PPP6C: variants seen among roughly 807,000 people sequenced by gnomAD.
PPP6C encodes serine/threonine-protein phosphatase 6 catalytic subunit.
A neutral mutation model predicts 39.8 loss-of-function variants in PPP6C; 11 were observed. That is an observed-to-expected ratio of 0.28 (90% CI 0.17 to 0.46). PPP6C has a LOEUF of 0.46. Among genes scored for constraint, PPP6C ranks in the 20% least tolerant of loss-of-function variants. The pLI, the probability that PPP6C is intolerant of heterozygous loss-of-function variation, is 1.00. For synonymous variants in PPP6C, 129 were observed against 130.3 expected, an observed-to-expected ratio of 0.99 and a Z score of 0.07; for missense variants, 211 against 373.9, an observed-to-expected ratio of 0.56 and a Z score of 3.59.
chr9:125,160,943 C>T, intron 2 of PPP6C, 37 bp from the exon 3 acceptor site: 1 of 1,453,918 alleles, frequency 6.9e-7, no homozygotes, highest in South Asian at 1.3e-5. Flanking sequence ...ATTACAAATT[C>T]CTGTTAAGAA....
intron 2 of PPP6C, among the ~76,000 whole-genome samples, chr9:125,163,663 T>C (rs2131315295): frequency 6.6e-6 from 1 of 152,124 alleles, no homozygotes; most frequent in East Asian, 1.9e-4. Context: ...ACTCCTGACC[T>C]TGTGATCCGC....
intron 2 of PPP6C, among the ~76,000 whole-genome samples, chr9:125,168,365 G>A (rs572730174): frequency 1.1e-4 from 17 of 152,268 alleles, no homozygotes; most frequent in African/African-American, 3.9e-4. Context: ...AGGCCCCAGA[G>A]GAAGATAAGT....
chr9:125,156,775 C>T (rs1029335153), intron 4 of PPP6C, among the ~76,000 whole-genome samples: 1 of 149,732 alleles, frequency 6.7e-6, no homozygotes, highest in East Asian at 2.0e-4. Flanking sequence ...CTCTCTCTCT[C>T]TTTCAACCAA....
chr9:125,157,159 T>C (rs181216169), intron 4 of PPP6C, among the ~76,000 whole-genome samples: 209 of 129,976 alleles, frequency 1.6e-3, no homozygotes, highest in Admixed American at 2.5e-3. Flanking sequence ...CTAATTTTTG[T>C]ATTTTTAGTA....
chr9:125,173,819 T>C (rs1437523571), intron 1 of PPP6C, among the ~76,000 whole-genome samples: 5 of 152,142 alleles, frequency 3.3e-5, no homozygotes, highest in African/African-American at 1.2e-4. Context: ...GGTTTCACCA[T>C]GTTGGCCAGG....
chr9:125,166,283 T>C (rs951732023), intron 2 of PPP6C, among the ~76,000 whole-genome samples: 1 of 152,302 alleles, frequency 6.6e-6, no homozygotes, highest in South Asian at 2.1e-4. Flanking sequence ...AGCCCCATAG[T>C]GGTGGACTCA....
chr9:125,150,726 C>A, intron 6 of PPP6C: 2 of 781,150 alleles, frequency 2.6e-6, no homozygotes, highest in Admixed American at 1.9e-5. Flanking sequence ...GGGCCTGGAG[C>A]TCGGCAAGGC....
chr9:125,171,468 C>CATATATATAT (rs556223259), intron 1 of PPP6C, among the ~76,000 whole-genome samples: 1 of 71,556 alleles, frequency 1.4e-5, no homozygotes, highest in East Asian at 3.7e-4. Context: ...TATACACACA[C>CATATATATAT]ACACACACAC....
chr9:125,155,947 C>T, intron 4 of PPP6C, among the ~76,000 whole-genome samples: 1 of 145,440 alleles, frequency 6.9e-6, no homozygotes, highest in South Asian at 2.2e-4. Flanking sequence ...CCATATATAA[C>T]AATATGTATT....
Position 125,147,610 on chromosome 9 carries a change from T to C in PPP6C, c.*2063A>G, listed in dbSNP as rs1835841332. The stretch of plus-strand genomic sequence containing the variant: ...GGCAGATAAGGAATGGAGAGAATAT[T>C]ATTGGCACGTGCCCAACTAGTGACA... On this transcript the variant is annotated 3_prime_UTR_variant, in exon 7 of 7. Transcript: ENST00000373547. The C allele has an allele frequency of 6.6e-6, 1 of 152,150 alleles. No homozygotes were observed. The highest frequency in any genetic ancestry group is 6.6e-5 in the Admixed American group (1 of 15,266). 9.4% of individuals were successfully genotyped at this position (152,150 alleles called of 1,614,324 possible). A position where few individuals can be genotyped will look rare whatever the true frequency, so the allele number is the denominator to read the frequency against.
intron 2 of PPP6C, among the ~76,000 whole-genome samples, chr9:125,168,905 C>A (rs1246853212): frequency 6.6e-6 from 1 of 152,206 alleles, no homozygotes; most frequent in African/African-American, 2.4e-5. Context: ...GGATTACAGG[C>A]ACGCACCACC....
chr9:125,150,875 C>G (rs1397100774), intron 6 of PPP6C: 2 of 820,022 alleles, frequency 2.4e-6, no homozygotes, highest in Admixed American at 3.4e-5. Flanking sequence ...TGACTAATAC[C>G]TGCAAGACTG....
At chr9:125,175,827 A>G (rs938331790) in intron 1 of PPP6C, among the ~76,000 whole-genome samples, 1 of 152,192 alleles carries the variant, frequency 6.6e-6, no homozygotes, top group Non-Finnish European at 1.5e-5. Context: ...GTATGTTACC[A>G]GGTATTGTTC....
chr9:125,148,242 G>A lies in PPP6C; in HGVS notation c.*1431C>T, dbSNP rs2131291205. The A allele has an allele frequency of 6.5e-6, 1 of 152,962 alleles. No homozygotes were observed. The highest frequency in any genetic ancestry group is 1.5e-5 in the Non-Finnish European group (1 of 68,360). 9.5% of individuals were successfully genotyped at this position (152,962 alleles called of 1,614,324 possible). On this transcript the variant is annotated 3_prime_UTR_variant, in exon 7 of 7. Transcript: ENST00000373547. ...GTGGGTTTTCAAAACTACCTGAACA[G>A]ATGCTAAAGTGCTTTATTAATTGGC...
intron 1 of PPP6C, among the ~76,000 whole-genome samples, chr9:125,185,589 G>A (rs1293395177): frequency 6.6e-6 from 1 of 151,178 alleles, no homozygotes; most frequent in African/African-American, 2.4e-5. Flanking sequence ...AGCTACTCAG[G>A]AGGCTGAGGC....
In PPP6C at chr9:125,158,443, A is replaced by G. The variant is rs533352494; in HGVS notation, c.238-61T>C. On this transcript the variant is annotated intron_variant, in intron 3 of 6. Transcript: ENST00000373547. ...ATAGCCACAATATTCTTTTCAAATT[A>G]TATCAAACTGTACAAACATATAGTT... The G allele has an allele frequency of 4.3e-5, 65 of 1,498,400 alleles. No individual in the cohort carries two copies. In the African/African-American group the frequency reaches 7.8e-4, roughly 18 times the overall value. The allele number at this position is 1,498,400 out of a possible 1,614,324, so 92.8% of individuals were successfully genotyped here.
intron 4 of PPP6C, among the ~76,000 whole-genome samples, chr9:125,155,904 C>CAAAAAAAAAAAA (rs1231626756): frequency 4.9e-5 from 3 of 61,456 alleles, no homozygotes; most frequent in African/African-American, 1.9e-4. Context: ...GACTCCGTCT[C>CAAAAAAAAAAAA]AAAAAAAAAA....
At chr9:125,156,788 A>G (rs1399114032) in intron 4 of PPP6C, among the ~76,000 whole-genome samples, 1 of 150,752 alleles carries the variant, frequency 6.6e-6, no homozygotes. Context: ...TCAACCAAAT[A>G]AAAGTTTTAA....
At chr9:125,189,481 G>C (rs1177629148) in intron 1 of PPP6C, 163 bp downstream of exon 1, 17 of 1,447,386 alleles carry the variant, frequency 1.2e-5, no homozygotes, top group Non-Finnish European at 1.5e-5. Context: ...GACTCGGCTC[G>C]CGAGACCCTC....
Sources: allele counts gnomAD v4.1 joint callset (sites outside exome capture counted in the v4.1 genomes callset), GRCh38; gene constraint gnomAD v4.1.1; transcripts MANE v1.5; gene names NCBI Gene and HGNC (gene_info 2026-07-23, HGNC 2026-07-21).